ANKRD6: variants seen among roughly 807,000 people sequenced by gnomAD.
ANKRD6 encodes ankyrin repeat domain 6.
Under a neutral mutation model 82.3 loss-of-function variants are expected in ANKRD6, and 56 were observed. The observed-to-expected ratio is 0.68, with a 90% CI of 0.55 to 0.85. The LOEUF (loss-of-function observed/expected upper bound fraction) is 0.85. Among genes scored for constraint, ANKRD6 ranks in the 40% least tolerant of loss-of-function variants. ANKRD6 has a pLI of 0.00. For missense variants in ANKRD6, 852 were observed against 907.6 expected (o/e 0.94, Z 0.79); for synonymous variants, 347 against 352.1 (o/e 0.99, Z 0.16).
intron 1 of ANKRD6, among the ~76,000 whole-genome samples, chr6:89,438,863 G>A (rs764632851): frequency 1.2e-4 from 19 of 152,196 alleles, no homozygotes; most frequent in Middle Eastern, 6.8e-3. Flanking sequence ...GTCTGATTTC[G>A]AACTCCTGAC....
At chr6:89,620,993 C>T (rs540150157) in intron 9 of ANKRD6, among the ~76,000 whole-genome samples, 31 of 152,070 alleles carry the variant, frequency 2.0e-4, no homozygotes, top group African/African-American at 6.5e-4. Context: ...GGCGTGAACC[C>T]GGGAGGCGGA....
At chr6:89,454,449 C>T (rs1773263681) in intron 1 of ANKRD6, among the ~76,000 whole-genome samples, 1 of 152,182 alleles carries the variant, frequency 6.6e-6, no homozygotes, top group Non-Finnish European at 1.5e-5. Context: ...ACTTGGTTTG[C>T]TCTCTGTGCA....
chr6:89,511,396 C>G lies in ANKRD6; in HGVS notation c.-143-55438C>G, dbSNP rs115598720. 5.7e-3 allele frequency among the ~76,000 whole-genome samples: 861 copies of G among 152,270 alleles called. 9 individuals are homozygous for G. Among genetic ancestry groups the G allele is most frequent in the African/African-American group, 0.019 (780 of 41,554 alleles). ...GATTTTCTACCCCTACCTGCAGACC[C>G]AAGTCTGGGTACCCTGTTTGCCTTA... On this transcript the variant is annotated intron_variant, in intron 1 of 15. Coordinates refer to ENST00000339746, the MANE Select transcript of ANKRD6 (RefSeq NM_001242809.2).
chr6:89,504,484 C>T (rs1359791131), intron 1 of ANKRD6, among the ~76,000 whole-genome samples: 1 of 152,008 alleles, frequency 6.6e-6, no homozygotes, highest in Non-Finnish European at 1.5e-5. Context: ...GCTTATTGCA[C>T]CCTTGAACTC....
chr6:89,596,134 C>G, intron 3 of ANKRD6, 120 bp downstream of exon 3: 1 of 852,412 alleles, frequency 1.2e-6, no homozygotes, highest in Non-Finnish European at 1.9e-6. Context: ...CACATTTTAG[C>G]TGCATCTTGG....
chr6:89,524,969 T>G (rs1008546098), intron 1 of ANKRD6, among the ~76,000 whole-genome samples: 6 of 152,054 alleles, frequency 3.9e-5, no homozygotes, highest in African/African-American at 1.4e-4. Flanking sequence ...TTGCATTTCC[T>G]TGATAATTAG....
intron 1 of ANKRD6, among the ~76,000 whole-genome samples, chr6:89,553,379 T>C (rs1443706932): frequency 6.6e-6 from 1 of 152,160 alleles, no homozygotes; most frequent in East Asian, 1.9e-4. Flanking sequence ...CCTCCAGCCC[T>C]GGGAGAAGGC....
chr6:89,587,168 G>A (rs1259640360), intron 2 of ANKRD6, among the ~76,000 whole-genome samples: 17 of 147,420 alleles, frequency 1.2e-4, no homozygotes, highest in African/African-American at 4.3e-4. Context: ...TCTAGCCTGG[G>A]CGACAGAGTG....
chr6:89,433,589 C>T lies in ANKRD6; in HGVS notation c.-144+214C>T, dbSNP rs1311093906. 2.0e-5 allele frequency among the ~76,000 whole-genome samples: 3 copies of T among 152,154 alleles called. No homozygotes were observed. The East Asian group carries it at 5.8e-4, about 29-fold the overall frequency. On this transcript the variant is annotated intron_variant, in intron 1 of 15. Coordinates refer to ENST00000339746, the MANE Select transcript of ANKRD6 (RefSeq NM_001242809.2). This position sits in a 1 kb window ranked among gnomAD's most constrained non-coding sequence, Gnocchi z 4.3. ...GCGAGGGGGTCCCCCCGGGGCGCCT[C>T]CCTCTTCGCCTGGCATCAGTTGCCT...
chr6:89,542,390 A>G (rs1387683506), intron 1 of ANKRD6, among the ~76,000 whole-genome samples: 5 of 152,334 alleles, frequency 3.3e-5, no homozygotes, highest in African/African-American at 7.2e-5. Context: ...GTATTAGACA[A>G]TGCACAGTGG....
At chr6:89,504,310 G>A (rs529255691) in intron 1 of ANKRD6, among the ~76,000 whole-genome samples, 5 of 152,244 alleles carry the variant, frequency 3.3e-5, no homozygotes, top group South Asian at 4.1e-4. Flanking sequence ...AATGGGATGC[G>A]TAGGGAACGT....
At chr6:89,610,655 A>T (rs1329175894) in intron 5 of ANKRD6, among the ~76,000 whole-genome samples, 1 of 152,118 alleles carries the variant, frequency 6.6e-6, no homozygotes, top group Non-Finnish European at 1.5e-5. Flanking sequence ...GAAGCCCATA[A>T]CTTGCAGACA....
chr6:89,589,738 A>T (rs1389778229), intron 2 of ANKRD6, among the ~76,000 whole-genome samples: 1 of 152,260 alleles, frequency 6.6e-6, no homozygotes, highest in African/African-American at 2.4e-5. Flanking sequence ...CACAGGGCTC[A>T]GCCTGAACAA....
intron 1 of ANKRD6, among the ~76,000 whole-genome samples, chr6:89,502,510 A>G (rs1779376166): frequency 6.6e-6 from 1 of 151,164 alleles, no homozygotes; most frequent in African/African-American, 2.5e-5. Flanking sequence ...GCAAAGCGTT[A>G]TTATTTAAAA....
At chr6:89,505,004 G>A (rs1779683634) in intron 1 of ANKRD6, 2 of 152,204 alleles carry the variant, frequency 1.3e-5, no homozygotes, top group African/African-American at 2.4e-5. Flanking sequence ...GTGTCCACAG[G>A]TAAGTTGTGT....
chr6:89,565,396 G>C (rs1046298966), intron 1 of ANKRD6: 1 of 152,210 alleles, frequency 6.6e-6, no homozygotes, highest in African/African-American at 2.4e-5. Flanking sequence ...TGATGAGAAA[G>C]TTTGATAATT....
chr6:89,612,430 C>A, intron 6 of ANKRD6, 60 bp downstream of exon 6: 1 of 1,448,184 alleles, frequency 6.9e-7, no homozygotes, highest in Non-Finnish European at 9.4e-7. Flanking sequence ...CAGAAAATAA[C>A]TTCATGAGCA....
At chr6:89,548,603 A>G (rs1785411043) in intron 1 of ANKRD6, among the ~76,000 whole-genome samples, 1 of 152,202 alleles carries the variant, frequency 6.6e-6, no homozygotes, top group African/African-American at 2.4e-5. Flanking sequence ...CTTTTACTTG[A>G]ACTCCTGAGT....
At chr6:89,525,859 G>A (rs1782432731) in intron 1 of ANKRD6, among the ~76,000 whole-genome samples, 1 of 152,240 alleles carries the variant, frequency 6.6e-6, no homozygotes, top group African/African-American at 2.4e-5. Context: ...GTCAAAACTG[G>A]CTTGAGGTCT....
Sources: gnomAD v4.1 joint callset for allele counts (sites outside exome capture counted in the v4.1 genomes callset) on GRCh38, gnomAD v4.1.1 for gene constraint, Gnocchi (gnomAD v3.1) non-coding constraint, MANE v1.5 for transcripts, NCBI Gene and HGNC (gene_info 2026-07-23, HGNC 2026-07-21) for gene names.